The following SIPA1L3 variants were observed in gnomAD, a reference collection of about 807,000 sequenced individuals.
The protein encoded by SIPA1L3 is signal induced proliferation associated 1 like 3, also known as signal-induced proliferation-associated 1-like protein 3.
SIPA1L3 carries 59 observed loss-of-function variants against 150.1 expected under a neutral mutation model. The ratio of observed to expected loss-of-function variants is 0.39; its 90% CI spans 0.32 to 0.49. The LOEUF is 0.49. Ranked by LOEUF, SIPA1L3 falls within the 20% of genes least tolerant of loss-of-function variation. The pLI is 0.86. For missense variants in SIPA1L3, 2,211 were observed against 2,489.5 expected (o/e 0.89, Z 2.38); for synonymous variants, 1,070 against 1,077.6 (o/e 0.99, Z 0.14).
chr19:38,164,535 C>T lies in SIPA1L3; in HGVS notation c.3837C>T (p.Ser1279=). The part of the protein sequence containing the change: ...SSSNTLSSNA[S]SSHSDDRWFD... ...GCAACACCCTCTCCAGCAACGCATC[C>T]AGCAGCCACAGCGACGACCGCTGGT... is the stretch of plus-strand genomic sequence containing the variant. The change falls in exon 15 of 22, where the codon TCC becomes TCT. Residue 1279 remains serine (S), a synonymous_variant. Coordinates refer to ENST00000222345, the MANE Select transcript of SIPA1L3 (RefSeq NM_015073.3). This position sits in a 1 kb window ranked among gnomAD's most constrained non-coding sequence, Gnocchi z 4.1. 1 of 1,614,032 alleles carries T rather than the reference C, an allele frequency of 6.2e-7. No homozygotes were observed. The highest frequency in any genetic ancestry group is 8.5e-7 in the Non-Finnish European group (1 of 1,179,922).
chr19:38,177,292 C>T (rs994567238), intron 15 of SIPA1L3, among the ~76,000 whole-genome samples: 2 of 147,778 alleles, frequency 1.4e-5, no homozygotes, highest in East Asian at 2.0e-4. Context: ...ACCTGGGAAG[C>T]GGAGGTTGCA....
intron 9 of SIPA1L3, among the ~76,000 whole-genome samples, chr19:38,127,778 A>G (rs1033568782): frequency 2.0e-5 from 3 of 152,098 alleles, no homozygotes; most frequent in Non-Finnish European, 2.9e-5. Flanking sequence ...GAGATTACAG[A>G]GATTACAGGT....
At chr19:38,201,741 C>A in intron 19 of SIPA1L3, 121 bp from the exon 20 acceptor site, 1 of 1,058,944 alleles carries the variant, frequency 9.4e-7, no homozygotes, top group Non-Finnish European at 1.3e-6. Context: ...AGTGCCGATG[C>A]AGTCTGTCCC....
chr19:38,008,928 T>C (rs140830322), intron 1 of SIPA1L3, among the ~76,000 whole-genome samples: 2 of 152,148 alleles, frequency 1.3e-5, no homozygotes, highest in Non-Finnish European at 1.5e-5. Flanking sequence ...GGGTCCTGCC[T>C]GTGAAGCACT....
chr19:38,128,222 T>C (rs1382482821), intron 9 of SIPA1L3, among the ~76,000 whole-genome samples: 1 of 152,022 alleles, frequency 6.6e-6, no homozygotes, highest in Non-Finnish European at 1.5e-5. Context: ...GTCAGGCCTC[T>C]TTTATATGGG....
intron 9 of SIPA1L3, among the ~76,000 whole-genome samples, 190 bp from the exon 10 acceptor site, chr19:38,130,308 C>G (rs575774681): frequency 5.4e-4 from 82 of 152,340 alleles, no homozygotes; most frequent in African/African-American, 1.9e-3. Flanking sequence ...CATTTCCCCT[C>G]CAGAAATCAG....
At position 38,193,230 on chromosome 19, in the gene SIPA1L3, A is replaced by G. The variant is rs113098539; in HGVS notation, c.4597-307A>G. On this transcript the variant is annotated intron_variant, in intron 17 of 21. Transcript: ENST00000222345. ...GGTGGTGGCATGCACCTGTGGTCCC[A>G]GCTACCTACCTGGGAAGCTGAGATA... is the stretch of plus-strand genomic sequence containing the variant. Among the ~76,000 whole-genome samples the G allele has an allele frequency of 1.6e-3, 246 of 152,136 alleles. 2 individuals carry two copies. Among genetic ancestry groups the G allele is most frequent in the African/African-American group, 5.7e-3 (238 of 41,528 alleles).
At chr19:37,929,766 C>T (rs73029180) in intron 1 of SIPA1L3, among the ~76,000 whole-genome samples, 22,718 of 152,166 alleles carry the variant, frequency 0.15, 1,923 homozygotes, top group Middle Eastern at 0.28. Context: ...CCCCCAGGGG[C>T]CAGCGCATGG....
chr19:38,050,550 T>G lies in SIPA1L3; in HGVS notation c.-311+21394T>G, dbSNP rs191685944. Among the ~76,000 whole-genome samples, 3 of 152,354 alleles carry G rather than the reference T, an allele frequency of 2.0e-5. No individual in the cohort carries two copies. In the East Asian group the frequency reaches 5.8e-4, roughly 29 times the overall value. On this transcript the variant is annotated intron_variant, in intron 2 of 21. Transcript: ENST00000222345. ...ACTATCACCGTCATTATTATTGTTT[T>G]AAAGTTTCTAAACTTTCAAATGTTG...
At chr19:37,948,620 T>C (rs992148742) in intron 1 of SIPA1L3, among the ~76,000 whole-genome samples, 1 of 152,212 alleles carries the variant, frequency 6.6e-6, no homozygotes, top group East Asian at 1.9e-4. Context: ...GGGTATTTCC[T>C]GAGCACCTAT....
At chr19:38,104,937 C>T (rs964348075) in intron 6 of SIPA1L3, among the ~76,000 whole-genome samples, 7 of 152,106 alleles carry the variant, frequency 4.6e-5, no homozygotes, top group African/African-American at 1.7e-4. Flanking sequence ...CCCCAAATTA[C>T]AGGCAAGAAT....
intron 15 of SIPA1L3, among the ~76,000 whole-genome samples, chr19:38,168,131 A>T (rs1346016403): frequency 1.3e-5 from 2 of 152,196 alleles, no homozygotes; most frequent in Non-Finnish European, 2.9e-5. Context: ...TCACGCCTAT[A>T]AACCCAGCAC....
chr19:37,930,369 GCTGGT>G (rs1272738643), intron 1 of SIPA1L3, among the ~76,000 whole-genome samples: 1 of 148,530 alleles, frequency 6.7e-6, no homozygotes, highest in Non-Finnish European at 1.5e-5. Context: ...TGTTGCCCAG[GCTGGT>G]CTCGAACTCC....
rs568521584 is a variant in SIPA1L3, at chr19:37,991,975, C to T, written c.-378-37114C>T. Among the ~76,000 whole-genome samples, 87 of 152,220 alleles carry T rather than the reference C, an allele frequency of 5.7e-4. No homozygotes were observed. In the South Asian group the frequency reaches 0.012, roughly 22 times the overall value. ...CTCTTCATTTTTCAAATACCTGCCT[C>T]GTTGACTTTGGGCTGGAGGGAGGGA... On this transcript the variant is annotated intron_variant, in intron 1 of 21. Coordinates refer to ENST00000222345, the MANE Select transcript of SIPA1L3 (RefSeq NM_015073.3).
chr19:38,007,861 G>T (rs146639022), intron 1 of SIPA1L3, among the ~76,000 whole-genome samples: 4 of 151,980 alleles, frequency 2.6e-5, no homozygotes, highest in Non-Finnish European at 4.4e-5. Context: ...CCTCCCTGTC[G>T]CTGTCTTCTG....
chr19:38,156,877 A>G (rs1360694824), intron 13 of SIPA1L3, among the ~76,000 whole-genome samples: 1 of 152,150 alleles, frequency 6.6e-6, no homozygotes, highest in Non-Finnish European at 1.5e-5. Flanking sequence ...AGACTCAGAA[A>G]AAAGGCCAGG....
chr19:38,201,771 A>G (rs1973092246), intron 19 of SIPA1L3, 91 bp from the exon 20 acceptor site: 1 of 1,417,102 alleles, frequency 7.1e-7, no homozygotes, highest in Non-Finnish European at 9.4e-7. Context: ...AGGAGGCATC[A>G]TGGAGGTTTG....
At chr19:38,077,319 C>T (rs1026637345) in intron 2 of SIPA1L3, among the ~76,000 whole-genome samples, 1 of 151,962 alleles carries the variant, frequency 6.6e-6, no homozygotes, top group Non-Finnish European at 1.5e-5. Context: ...GGCATGGTGA[C>T]GTGCATCTGT....
chr19:38,171,925 G>A (rs1972337264), intron 15 of SIPA1L3, among the ~76,000 whole-genome samples: 1 of 152,146 alleles, frequency 6.6e-6, no homozygotes, highest in African/African-American at 2.4e-5. Flanking sequence ...AGGCAGGTAG[G>A]GCAGCCAATG....
Sources: gnomAD v4.1 joint callset for allele counts (sites outside exome capture counted in the v4.1 genomes callset) on GRCh38, gnomAD v4.1.1 for gene constraint, Gnocchi (gnomAD v3.1) non-coding constraint, MANE v1.5 for transcripts, NCBI Gene and HGNC (gene_info 2026-07-23, HGNC 2026-07-21) for gene names.